DHX34: variants seen among roughly 807,000 people sequenced by gnomAD.
The protein encoded by DHX34 is DExH-box helicase 34, also known as probable ATP-dependent RNA helicase DHX34.
In DHX34, 96 loss-of-function variants were observed where a neutral mutation model predicts 111.1. The observed-to-expected ratio is 0.86, with a 90% CI of 0.73 to 1.02. The LOEUF (loss-of-function observed/expected upper bound fraction) is 1.02, where lower values mean the gene tolerates loss of function less well. Among genes scored for constraint, DHX34 ranks in the 50% least tolerant of loss-of-function variants. The pLI is 0.00. For synonymous variants in DHX34, 688 were observed against 670.4 expected (o/e 1.03, Z -0.41); for missense variants, 1,560 against 1,579.9 (o/e 0.99, Z 0.21).
chr19:47,361,318 C>G (rs1969625121), intron 5 of DHX34, among the ~76,000 whole-genome samples: 1 of 151,624 alleles, frequency 6.6e-6, no homozygotes, highest in South Asian at 2.1e-4. Flanking sequence ...ATTAGCCAGG[C>G]ATGGTAGTGC....
chr19:47,358,203 A>G, intron 4 of DHX34, 83 bp downstream of exon 4: 1 of 1,520,980 alleles, frequency 6.6e-7, no homozygotes, highest in Non-Finnish European at 8.8e-7. Flanking sequence ...GTAACTCCAC[A>G]AACACAGGGC....
chr19:47,368,777 A>G (rs922807667), intron 7 of DHX34, among the ~76,000 whole-genome samples: 1 of 150,762 alleles, frequency 6.6e-6, no homozygotes, highest in Non-Finnish European at 1.5e-5. Flanking sequence ...GCAGTGGTGC[A>G]ATCCCAGCTC....
intron 9 of DHX34, among the ~76,000 whole-genome samples, chr19:47,374,735 C>G (rs1302239638): frequency 1.3e-5 from 2 of 152,104 alleles, no homozygotes; most frequent in East Asian, 3.9e-4. Context: ...AGCATGGGTC[C>G]CGAGTTCTCT....
At chr19:47,377,002 T>C (rs1970184768) in intron 12 of DHX34, 98 bp from the exon 13 acceptor site, 4 of 1,589,250 alleles carry the variant, frequency 2.5e-6, no homozygotes, top group African/African-American at 1.3e-5. Context: ...AAGCATACTC[T>C]TTCTATCGAT....
In DHX34 at chr19:47,372,838, C is replaced by T; in HGVS notation, c.1877C>T (p.Pro626Leu). Residue 626 changes from proline (P) to leucine (L), a missense_variant, in exon 8 of 17, where the codon CCA becomes CTA. By Grantham distance (98) the Pro-to-Leu change is moderately conservative. Transcript: ENST00000328771. Reference sequence around the variant, plus strand: ...TTCACCCGCAGCGCCCAGAGCAGCCCAGAGTGCGCGGCAGCACGGCGGCCG... The same window carrying T: ...TTCACCCGCAGCGCCCAGAGCAGCCTAGAGTGCGCGGCAGCACGGCGGCCG... ...SPFTRSAQSS[P>L]ECAAARRPLE... The T allele has an allele frequency of 1.2e-6, 2 of 1,612,366 alleles. No individual in the cohort carries two copies. The highest frequency in any genetic ancestry group is 1.7e-6 in the Non-Finnish European group (2 of 1,179,360).
intron 5 of DHX34, among the ~76,000 whole-genome samples, chr19:47,362,075 A>G (rs1384587376): frequency 6.6e-6 from 1 of 151,786 alleles, no homozygotes; most frequent in Non-Finnish European, 1.5e-5. Flanking sequence ...GCTTGAGCCC[A>G]GGAGTTTGAG....
chr19:47,359,559 A>T (rs1454632491), intron 4 of DHX34, among the ~76,000 whole-genome samples: 1 of 152,010 alleles, frequency 6.6e-6, no homozygotes, highest in Non-Finnish European at 1.5e-5. Flanking sequence ...AGGCAGGCGG[A>T]TCACCTGAGG....
intron 4 of DHX34, 123 bp from the exon 5 acceptor site, chr19:47,359,845 G>C: frequency 1.3e-6 from 2 of 1,547,664 alleles, no homozygotes; most frequent in East Asian, 4.6e-5. Flanking sequence ...CTCCAAAAGG[G>C]AGGTCTCTGA....
chr19:47,379,138 ATAAAT>A (rs761939777), intron 13 of DHX34, among the ~76,000 whole-genome samples: 255 of 148,738 alleles, frequency 1.7e-3, no homozygotes, highest in Middle Eastern at 0.01. Context: ...AAATAAATAA[ATAAAT>A]TAATAATAAT....
At chr19:47,363,363 T>C (rs1156645765) in intron 6 of DHX34, among the ~76,000 whole-genome samples, 1 of 151,844 alleles carries the variant, frequency 6.6e-6, no homozygotes, top group African/African-American at 2.4e-5. Context: ...AGTACTGGGA[T>C]TACAGCCATG....
At chr19:47,372,587 A>G (rs1029337944) in intron 7 of DHX34, 143 bp from the exon 8 acceptor site, 36 of 1,406,742 alleles carry the variant, frequency 2.6e-5, no homozygotes, top group Non-Finnish European at 3.1e-5. Flanking sequence ...TTGAATCTCC[A>G]TCTGGGTCAC....
chr19:47,375,969 G>T lies in DHX34; in HGVS notation c.2353G>T (p.Ala785Ser). The T allele has an allele frequency of 6.2e-7, 1 of 1,603,192 alleles. No individual in the cohort carries two copies. Among genetic ancestry groups the T allele is most frequent in the Non-Finnish European group, 8.5e-7 (1 of 1,177,546 alleles). Residue 785 changes from alanine (A) to serine (S), a missense_variant, in exon 11 of 17, where the codon GCT becomes TCT. Coordinates refer to ENST00000328771, the MANE Select transcript of DHX34 (RefSeq NM_014681.6). The stretch of plus-strand genomic sequence containing the variant: ...GCATGACCTGGCGCAGCTGCAGGCC[G>T]CTGCCAGCTCAGCCCAGGACCTGAG... ...LRHDLAQLQA[A>S]ASSAQDLSRE...
At chr19:47,357,660 C>T in intron 3 of DHX34, 4 of 782,314 alleles carry the variant, frequency 5.1e-6, no homozygotes, top group Non-Finnish European at 6.2e-6. Context: ...AGAAATCCTG[C>T]CCAATGAGAT....
At chr19:47,368,647 C>CACACACACACACAT (rs1969872788) in intron 7 of DHX34, among the ~76,000 whole-genome samples, 1 of 139,238 alleles carries the variant, frequency 7.2e-6, no homozygotes, top group African/African-American at 2.6e-5. Flanking sequence ...TATACACACA[C>CACACACACACACAT]ACACACACAC....
In DHX34 at chr19:47,362,604, C is replaced by T. The variant is rs775614131; in HGVS notation, c.1504C>T (p.Arg502Cys). The T allele has an allele frequency of 8.1e-6, 13 of 1,613,912 alleles. No individual in the cohort carries two copies. Among genetic ancestry groups the T allele is most frequent in the Middle Eastern group, 1.7e-4 (1 of 6,046 alleles). Residue 502 changes from arginine to cysteine, a missense_variant, in exon 6 of 17, where the codon CGC becomes TGC. By Grantham distance (180) the Arg-to-Cys change is radical. Transcript: ENST00000328771. ...CCGCACGGGCCCCGGAGTCTGCTTC[C>T]GCCTCTATGCCGAATCGGACTATGA... ...AGRTGPGVCF[R>C]LYAESDYDAF...
chr19:47,369,354 C>T (rs939431544), intron 7 of DHX34, among the ~76,000 whole-genome samples: 2 of 152,160 alleles, frequency 1.3e-5, no homozygotes, highest in African/African-American at 4.8e-5. Context: ...GTCGGCCGTG[C>T]TGGTCTTGAA....
intron 16 of DHX34, 60 bp downstream of exon 16, chr19:47,381,384 T>C: frequency 6.4e-7 from 1 of 1,572,254 alleles, no homozygotes; most frequent in Non-Finnish European, 8.7e-7. Context: ...CATCCCATGA[T>C]GGTCTCCTGT....
Position 47,373,658 on chromosome 19 carries a change from G to A in DHX34, c.2022G>A (p.Glu674=), listed in dbSNP as rs143175230. Residue 674 remains glutamate (E), a synonymous_variant, in exon 9 of 17, where the codon GAG becomes GAA. Transcript: ENST00000328771. ...RKWCRRRGIE[E]HRLYEMANLR... ...GGTGCCGCCGCCGGGGCATAGAGGA[G>A]CATCGACTGTACGAAATGGCCAACC... 28 of 1,613,960 alleles carry A rather than the reference G, an allele frequency of 1.7e-5. No homozygotes were observed. The African/African-American group carries it at 3.3e-4, about 19-fold the overall frequency.
chr19:47,366,607 C>G (rs991739886), intron 6 of DHX34, among the ~76,000 whole-genome samples: 1 of 148,520 alleles, frequency 6.7e-6, no homozygotes, highest in African/African-American at 2.5e-5. Flanking sequence ...GATGGAGTCT[C>G]GGTGTATTGC....
Sources: gnomAD v4.1 joint callset for allele counts (sites outside exome capture counted in the v4.1 genomes callset) on GRCh38, gnomAD v4.1.1 for gene constraint, MANE v1.5 for transcripts, NCBI Gene and HGNC (gene_info 2026-07-23, HGNC 2026-07-21) for gene names.